CNTN6: variants seen among roughly 807,000 people sequenced by gnomAD.
CNTN6 encodes the protein contactin-6.
A neutral mutation model predicts 122.8 loss-of-function variants in CNTN6; 137 were observed. The observed-to-expected ratio is 1.12, with a 90% CI of 0.97 to 1.29. CNTN6 has a LOEUF of 1.29. CNTN6 is among the 50% of genes most tolerant of loss of function. The pLI is 0.00. For synonymous variants in CNTN6, 570 were observed against 426.0 expected (o/e 1.34, Z -4.16); for missense variants, 1,634 against 1,223.4 (o/e 1.34, Z -5.01).
At chr3:1,340,651 A>C (rs1298762745) in intron 11 of CNTN6, among the ~76,000 whole-genome samples, 1 of 152,182 alleles carries the variant, frequency 6.6e-6, no homozygotes, top group Non-Finnish European at 1.5e-5. Context: ...AGTCACACCC[A>C]GGTTGGTCCC....
At chr3:1,106,483 G>C (rs2091227863) in intron 1 of CNTN6, among the ~76,000 whole-genome samples, 1 of 151,686 alleles carries the variant, frequency 6.6e-6, no homozygotes, top group Non-Finnish European at 1.5e-5. Flanking sequence ...AGGTGTTCAA[G>C]ACGAGCCTAG....
At chr3:1,391,764 GACAA>G (rs1208339144) in intron 20 of CNTN6, among the ~76,000 whole-genome samples, 5 of 149,490 alleles carry the variant, frequency 3.3e-5, no homozygotes, top group African/African-American at 7.4e-5. Context: ...ACCAACAACA[GACAA>G]ACAGAGAGCC....
At chr3:1,116,246 A>G (rs1038740588) in intron 1 of CNTN6, among the ~76,000 whole-genome samples, 1 of 152,162 alleles carries the variant, frequency 6.6e-6, no homozygotes, top group Non-Finnish European at 1.5e-5. Context: ...GGAGAAAAAC[A>G]AATGTGTATT....
chr3:1,383,930 G>A (rs973990960), intron 19 of CNTN6, among the ~76,000 whole-genome samples: 13 of 140,404 alleles, frequency 9.3e-5, no homozygotes, highest in East Asian at 1.9e-4. Context: ...AAACTGATAC[G>A]GAACTGGTGG....
In CNTN6 at chr3:1,268,467, C is replaced by T. The variant is rs563737445; in HGVS notation, c.359-9946C>T. On this transcript the variant is annotated intron_variant, in intron 4 of 22. Transcript: ENST00000446702. ...CTAAAAATATAAAAAATTAGCCAGG[C>T]GCGGTGGCAGGTGCCTGTAGTCCCA... is the stretch of plus-strand genomic sequence containing the variant. Among the ~76,000 whole-genome samples the T allele has an allele frequency of 7.2e-5, 11 of 151,740 alleles. No homozygotes were observed. The South Asian group carries it at 1.7e-3, about 23-fold the overall frequency.
chr3:1,287,001 A>C (rs1275842104), intron 5 of CNTN6, among the ~76,000 whole-genome samples: 1 of 152,232 alleles, frequency 6.6e-6, no homozygotes, highest in Non-Finnish European at 1.5e-5. Context: ...TAAAGGGATC[A>C]ATGCAACAGG....
intron 18 of CNTN6, 45 bp downstream of exon 18, chr3:1,383,221 G>A: frequency 1.3e-6 from 2 of 1,594,680 alleles, no homozygotes; most frequent in South Asian, 1.1e-5. Context: ...TCTATGCATA[G>A]TTTGTGTTCC....
intron 20 of CNTN6, among the ~76,000 whole-genome samples, chr3:1,388,559 C>T (rs7651686): frequency 0.065 from 9,571 of 147,256 alleles, 432 homozygotes; most frequent in African/African-American, 0.11. Context: ...CAAAGCTGGA[C>T]GGAGAATGAC....
chr3:1,176,188 C>CG (rs945054274), intron 2 of CNTN6, among the ~76,000 whole-genome samples: 10 of 152,168 alleles, frequency 6.6e-5, no homozygotes, highest in African/African-American at 2.4e-4. Context: ...GAGGCCGGGG[C>CG]GGGCGGATCA....
intron 12 of CNTN6, among the ~76,000 whole-genome samples, chr3:1,358,195 AC>A (rs1175578353): frequency 2.0e-5 from 3 of 151,940 alleles, no homozygotes; most frequent in Admixed American, 6.6e-5. Flanking sequence ...TTCAACCGAT[AC>A]GTTTATTCTG....
intron 7 of CNTN6, among the ~76,000 whole-genome samples, chr3:1,310,609 T>G (rs1288926709): frequency 6.6e-6 from 1 of 152,178 alleles, no homozygotes; most frequent in Non-Finnish European, 1.5e-5. Context: ...ATTTTGGCAT[T>G]ATGGTAATTT....
At chr3:1,365,446 T>C (rs998658039) in intron 12 of CNTN6, among the ~76,000 whole-genome samples, 1 of 152,036 alleles carries the variant, frequency 6.6e-6, no homozygotes, top group Non-Finnish European at 1.5e-5. Context: ...TAAAAACACA[T>C]ATATTTTATA....
chr3:1,193,159 C>T lies in CNTN6; in HGVS notation c.56-27528C>T, dbSNP rs374766756. 3.4e-4 allele frequency among the ~76,000 whole-genome samples: 52 copies of T among 152,252 alleles called. 1 individual carries two copies. In the South Asian group the frequency reaches 0.01, roughly 30 times the overall value. Reference sequence around the variant, plus strand: ...AAGTCCTGCAATTAACCAAATTAAGCGCAGGTTAACACAATCAGGTTTTGC... The same window carrying T: ...AAGTCCTGCAATTAACCAAATTAAGTGCAGGTTAACACAATCAGGTTTTGC... On this transcript the variant is annotated intron_variant, in intron 2 of 22. Transcript: ENST00000446702.
At chr3:1,395,945 C>T (rs1363881449) in intron 20 of CNTN6, among the ~76,000 whole-genome samples, 1 of 152,064 alleles carries the variant, frequency 6.6e-6, no homozygotes, top group African/African-American at 2.4e-5. Flanking sequence ...TCTCTTCATC[C>T]CACTACCACT....
intron 12 of CNTN6, among the ~76,000 whole-genome samples, chr3:1,356,371 T>C (rs1011716059): frequency 1.5e-4 from 23 of 151,964 alleles, no homozygotes; most frequent in African/African-American, 5.1e-4. Flanking sequence ...ATTAAGTTTA[T>C]TGCTGCTCAT....
chr3:1,332,257 G>A (rs948694686), intron 11 of CNTN6, among the ~76,000 whole-genome samples: 1 of 151,928 alleles, frequency 6.6e-6, no homozygotes, highest in Non-Finnish European at 1.5e-5. Context: ...AGGTCACACA[G>A]TTAACTCCAT....
At chr3:1,103,735 T>A (rs926954759) in intron 1 of CNTN6, among the ~76,000 whole-genome samples, 1 of 152,172 alleles carries the variant, frequency 6.6e-6, no homozygotes, top group Non-Finnish European at 1.5e-5. Context: ...GGGGGCTCCT[T>A]TTACTTATGA....
rs763614390 is a variant in CNTN6, at chr3:1,220,746, T to C, written c.115T>C (p.Leu39=). The part of the protein sequence containing the change: ...TQEPHDVIFP[L]DLSKSEVILN... Reference sequence around the variant, plus strand: ...GGAGCCACATGATGTCATTTTTCCTTTGGATTTATCAAAATCTGAGGTCAT... The same window carrying C: ...GGAGCCACATGATGTCATTTTTCCTCTGGATTTATCAAAATCTGAGGTCAT... The change falls in exon 3 of 23, where the codon TTG becomes CTG. Residue 39 remains leucine (L), a synonymous_variant. Coordinates refer to ENST00000446702, the MANE Select transcript of CNTN6 (RefSeq NM_001289080.2). 2.3e-5 allele frequency: 37 copies of C among 1,613,402 alleles called. No homozygotes were observed. Among genetic ancestry groups the C allele is most frequent in the Non-Finnish European group, 3.1e-5 (36 of 1,179,688 alleles).
chr3:1,300,587 AAG>A (rs1559756087), intron 7 of CNTN6, among the ~76,000 whole-genome samples: 7 of 128,086 alleles, frequency 5.5e-5, no homozygotes, highest in African/African-American at 2.3e-4. Flanking sequence ...GAAAGAAAGA[AAG>A]AAAGAAAGAA....
Sources: allele counts gnomAD v4.1 joint callset (sites outside exome capture counted in the v4.1 genomes callset), GRCh38; gene constraint gnomAD v4.1.1; transcripts MANE v1.5; gene names NCBI Gene and HGNC (gene_info 2026-07-23, HGNC 2026-07-21).